The following CYS1 variants were observed in gnomAD, a reference collection of about 807,000 sequenced individuals.
CYS1 encodes cystin-1.
In CYS1, 5 loss-of-function variants were observed where a neutral mutation model predicts 9.6. The observed-to-expected ratio is 0.52, with a 90% CI of 0.27 to 1.10. The LOEUF (loss-of-function observed/expected upper bound fraction) is 1.10, where lower values mean the gene tolerates loss of function less well. Ranked by LOEUF, CYS1 falls within the 50% of genes least tolerant of loss-of-function variation. CYS1 has a pLI of 0.11. For missense variants in CYS1, 221 were observed against 207.9 expected (o/e 1.06, Z -0.39); for synonymous variants, 88 against 95.7 (o/e 0.92, Z 0.47).
chr2:10,069,666 C>T (rs1057135137), intron 1 of CYS1, among the ~76,000 whole-genome samples: 44 of 151,392 alleles, frequency 2.9e-4, no homozygotes, highest in African/African-American at 7.8e-4. Context: ...TGCGCCTGGC[C>T]GAAAAAAATA....
chr2:10,065,597 A>G (rs985825697), intron 2 of CYS1, among the ~76,000 whole-genome samples: 7 of 152,246 alleles, frequency 4.6e-5, no homozygotes, highest in African/African-American at 1.7e-4. Context: ...AGCGCACAGC[A>G]TGGCACCTGA....
chr2:10,068,776 AT>A (rs1661726256), intron 1 of CYS1, among the ~76,000 whole-genome samples: 1 of 152,220 alleles, frequency 6.6e-6, no homozygotes, highest in Non-Finnish European at 1.5e-5. Flanking sequence ...ACATGAAAGA[AT>A]AATCAAGATG....
In CYS1 at chr2:10,079,824, G is replaced by T. The variant is rs1394795167; in HGVS notation, c.318+82C>A. ...GCTGGAAGGGGGCGCAGCGCGACCGGCGCCCAGGGCTGGGGCGGGGACGCG... is the reference window on the plus strand; with the variant it reads ...GCTGGAAGGGGGCGCAGCGCGACCGTCGCCCAGGGCTGGGGCGGGGACGCG... On this transcript the variant is annotated intron_variant, in intron 1 of 2. Coordinates refer to ENST00000381813, the MANE Select transcript of CYS1 (RefSeq NM_001037160.3). 7.7e-6 allele frequency: 7 copies of T among 903,288 alleles called. No homozygotes were observed. The African/African-American group carries it at 1.3e-4, about 16-fold the overall frequency. The allele number at this position is 903,288 out of a possible 1,614,324, so 56.0% of individuals were successfully genotyped here.
rs1661550127 is a variant in CYS1, at chr2:10,056,514, A to C, written c.*2339T>G. ...ATTTTTCCAGACAACAACGTGCGTC[A>C]TTTTTGCCTTTGAGATGTGTTTCTT... On this transcript the variant is annotated 3_prime_UTR_variant, in exon 3 of 3. Transcript: ENST00000381813. Among the ~76,000 whole-genome samples, 1 of 152,230 alleles carries C rather than the reference A, an allele frequency of 6.6e-6. No homozygotes were observed. Among genetic ancestry groups the C allele is most frequent in the Non-Finnish European group, 1.5e-5 (1 of 68,044 alleles).
chr2:10,067,983 A>G (rs1661718310), intron 1 of CYS1, among the ~76,000 whole-genome samples: 1 of 152,216 alleles, frequency 6.6e-6, no homozygotes, highest in Admixed American at 6.5e-5. Context: ...ATCATGACTG[A>G]ATATGATATT....
rs1189013438 is a variant in CYS1, at chr2:10,058,932, G to A, written c.398C>T (p.Pro133Leu). 18 of 1,591,986 alleles carry A rather than the reference G, an allele frequency of 1.1e-5. No individual in the cohort carries two copies. Among genetic ancestry groups the A allele is most frequent in the African/African-American group, 2.7e-5 (2 of 74,612 alleles). The change falls in exon 3 of 3, where the codon CCC becomes CTC. Residue 133 changes from proline to leucine, a missense_variant. Coordinates refer to ENST00000381813, the MANE Select transcript of CYS1 (RefSeq NM_001037160.3). ...GTAGGAGATGGCTGCCGGCCTCTCGGGCTTCTTGCGACCGCTGCCTGGGGC... is the reference window on the plus strand; with the variant it reads ...GTAGGAGATGGCTGCCGGCCTCTCGAGCTTCTTGCGACCGCTGCCTGGGGC... The part of the protein sequence containing the change: ...SEAPGSGRKK[P>L]ERPAAISYDH...
chr2:10,060,298 C>A (rs1040164461), intron 2 of CYS1, among the ~76,000 whole-genome samples: 1 of 152,250 alleles, frequency 6.6e-6, no homozygotes, highest in Non-Finnish European at 1.5e-5. Flanking sequence ...CGGCCTGGTT[C>A]CCCCTCTGCG....
At chr2:10,061,248 C>CAAA (rs1387185424) in intron 2 of CYS1, among the ~76,000 whole-genome samples, 14 of 142,106 alleles carry the variant, frequency 9.9e-5, no homozygotes, top group African/African-American at 4.4e-4. Flanking sequence ...GAAAAACCAA[C>CAAA]CAACCAAACA....
At chr2:10,062,259 A>G (rs1046346532) in intron 2 of CYS1, among the ~76,000 whole-genome samples, 3 of 152,232 alleles carry the variant, frequency 2.0e-5, no homozygotes, top group Admixed American at 6.5e-5. Flanking sequence ...GACCTTTCCA[A>G]GGAAAATCAC....
chr2:10,073,176 ATGACAAGGACG>A (rs1661795355), intron 1 of CYS1, among the ~76,000 whole-genome samples: 1 of 148,818 alleles, frequency 6.7e-6, no homozygotes, highest in African/African-American at 2.5e-5. Flanking sequence ...CATGGCTAAC[ATGACAAGGACG>A]TGACAAGGGG....
intron 2 of CYS1, among the ~76,000 whole-genome samples, 188 bp from the exon 3 acceptor site, chr2:10,059,146 C>T (rs1316074397): frequency 6.6e-6 from 1 of 152,268 alleles, no homozygotes; most frequent in African/African-American, 2.4e-5. Flanking sequence ...GCGTCCGCTT[C>T]ATCTCCCACA....
At chr2:10,061,500 G>C (rs2125287387) in intron 2 of CYS1, among the ~76,000 whole-genome samples, 1 of 152,366 alleles carries the variant, frequency 6.6e-6, no homozygotes, top group East Asian at 1.9e-4. Flanking sequence ...AAGCCCCTCT[G>C]GGCTCACCAG....
chr2:10,080,128 G>A lies in CYS1; in HGVS notation c.96C>T (p.Gly32=). The A allele has an allele frequency of 1.9e-6, 2 of 1,029,910 alleles. No individual in the cohort carries two copies. Among genetic ancestry groups the A allele is most frequent in the African/African-American group, 1.7e-5 (1 of 57,648 alleles). 63.8% of individuals were successfully genotyped at this position (1,029,910 alleles called of 1,614,324 possible). Residue 32 remains glycine (G), a synonymous_variant, in exon 1 of 3, where the codon GGC becomes GGT. Transcript: ENST00000381813. This position sits in a 1 kb window ranked among gnomAD's most constrained non-coding sequence, Gnocchi z 6.4. ...CCACCGGCACCCGCCGGCGGGTCCCGCCCTCCAGGGCTGCCGCTCCGGGCC... is the reference window on the plus strand; with the variant it reads ...CCACCGGCACCCGCCGGCGGGTCCCACCCTCCAGGGCTGCCGCTCCGGGCC... ...PAGPGAAALE[G]GTRRRVPVAA... is the part of the protein sequence containing the mutation.
intron 1 of CYS1, among the ~76,000 whole-genome samples, chr2:10,074,463 C>T (rs1028456337): frequency 6.6e-6 from 1 of 152,138 alleles, no homozygotes; most frequent in African/African-American, 2.4e-5. Flanking sequence ...CCAGTACAAC[C>T]TCCCCCGCCA....
chr2:10,079,949 C>T lies in CYS1; in HGVS notation c.275G>A (p.Arg92His). The change falls in exon 1 of 3, where the codon CGC (arginine) becomes CAC (histidine). Residue 92 changes from arginine to histidine, a missense_variant. Coordinates refer to ENST00000381813, the MANE Select transcript of CYS1 (RefSeq NM_001037160.3). ...AAWGPPEPAPRRPARLRPTAV... is the reference protein window; with the variant it reads ...AAWGPPEPAPHRPARLRPTAV... ...GGTGGGTCGGAGCCGGGCTGGGCGG[C>T]GCGGGGCGGGCTCCGGGGGGCCCCA... The T allele has an allele frequency of 8.9e-7, 1 of 1,119,724 alleles. No homozygotes were observed. The highest frequency in any genetic ancestry group is 4.3e-5 in the South Asian group (1 of 23,414). The allele number at this position is 1,119,724 out of a possible 1,614,324, so 69.4% of individuals were successfully genotyped here.
chr2:10,065,933 C>G lies in CYS1; in HGVS notation c.342G>C (p.Glu114Asp). 6.2e-7 allele frequency: 1 copy of G among 1,614,212 alleles called. No individual in the cohort carries two copies. The highest frequency in any genetic ancestry group is 8.5e-7 in the Non-Finnish European group (1 of 1,180,044). ...GSAVCAEQST[E>D]GHPGSGNVSE... ...AGACATTGCCGCTCCCCGGGTGGCC[C>G]TCTGTGCTCTGCTCTGCGCACACCT... The change falls in exon 2 of 3, where the codon GAG becomes GAC. Residue 114 changes from glutamate (E) to aspartate (D), a missense_variant. Coordinates refer to ENST00000381813, the MANE Select transcript of CYS1 (RefSeq NM_001037160.3).
intron 2 of CYS1, among the ~76,000 whole-genome samples, chr2:10,059,934 T>C (rs183739092): frequency 6.6e-6 from 1 of 152,376 alleles, no homozygotes; most frequent in East Asian, 1.9e-4. Flanking sequence ...CCCTGCTGGC[T>C]TGTCCTGCTC....
chr2:10,079,775 C>A lies in CYS1; in HGVS notation c.318+131G>T, dbSNP rs1417841479. Reference sequence around the variant, plus strand: ...GGGCCCAGGGGCGGGGAGGCCGGGGCAGCGGGGAGCACGCAAGTCGGAGGC... The same window carrying A: ...GGGCCCAGGGGCGGGGAGGCCGGGGAAGCGGGGAGCACGCAAGTCGGAGGC... On this transcript the variant is annotated intron_variant, in intron 1 of 2. Coordinates refer to ENST00000381813, the MANE Select transcript of CYS1 (RefSeq NM_001037160.3). 8.4e-6 allele frequency: 4 copies of A among 475,302 alleles called. No individual in the cohort carries two copies. The East Asian group carries it at 2.8e-4, about 33-fold the overall frequency. 29.4% of individuals were successfully genotyped at this position (475,302 alleles called of 1,614,324 possible).
At chr2:10,062,867 C>T (rs1661646587) in intron 2 of CYS1, among the ~76,000 whole-genome samples, 1 of 152,236 alleles carries the variant, frequency 6.6e-6, no homozygotes, top group Admixed American at 6.5e-5. Context: ...CAAGCATTTG[C>T]AGAATGAACA....
Sources: gnomAD v4.1 joint callset for allele counts (sites outside exome capture counted in the v4.1 genomes callset) on GRCh38, gnomAD v4.1.1 for gene constraint, Gnocchi (gnomAD v3.1) non-coding constraint, MANE v1.5 for transcripts, NCBI Gene and HGNC (gene_info 2026-07-23, HGNC 2026-07-21) for gene names.